TAT: variants seen among roughly 807,000 people sequenced by gnomAD.
TAT encodes the protein tyrosine aminotransferase.
A neutral mutation model predicts 53.6 loss-of-function variants in TAT; 35 were observed. The ratio of observed to expected loss-of-function variants is 0.65; its 90% confidence interval spans 0.50 to 0.87. The LOEUF is 0.87. Ranked by LOEUF, TAT falls within the 40% of genes least tolerant of loss-of-function variation. TAT has a pLI of 0.00. For missense variants in TAT, 525 were observed against 571.8 expected, an observed-to-expected ratio of 0.92 and a Z score of 0.83; for synonymous variants, 197 against 206.5, an observed-to-expected ratio of 0.95 and a Z score of 0.39.
chr16:71,569,758 T>C, intron 10 of TAT, 96 bp downstream of exon 10: 2 of 1,213,284 alleles, frequency 1.6e-6, no homozygotes, highest in East Asian at 2.5e-5. Flanking sequence ...CTGGTTGTCT[T>C]TGTACCCTGC....
At chr16:71,574,154 G>A (rs902558927) in intron 3 of TAT, among the ~76,000 whole-genome samples, 7 of 152,234 alleles carry the variant, frequency 4.6e-5, no homozygotes, top group Non-Finnish European at 5.9e-5. Context: ...GTATAAGCAC[G>A]AATGTATAAA....
At chr16:71,571,010 C>T (rs2044199746) in intron 7 of TAT, among the ~76,000 whole-genome samples, 179 bp from the exon 8 acceptor site, 2 of 152,146 alleles carry the variant, frequency 1.3e-5, no homozygotes, top group South Asian at 2.1e-4. Context: ...TACACAAAGA[C>T]ATTTAATTTG....
rs2044193411 is a variant in TAT at position 71,570,378 on chromosome 16, T to C, written c.932A>G (p.Lys311Arg). 1.2e-6 allele frequency: 2 copies of C among 1,614,098 alleles called. No homozygotes were observed. The highest frequency in any genetic ancestry group is 1.7e-6 in the Non-Finnish European group (2 of 1,180,050). Residue 311 changes from lysine to arginine, a missense_variant, in exon 9 of 12, where the codon AAG (lysine) becomes AGG (arginine). By Grantham distance (26) the Lys-to-Arg change is conservative (BLOSUM62 2). Transcript: ENST00000355962. ...FGNEIRDGLV[K>R]LSQRILGPCT... is the part of the protein sequence containing the mutation. The stretch of plus-strand genomic sequence containing the variant: ...GGGTCCCAAAATGCGCTGACTCAGC[T>C]TCACCAGCCCATCTCGGATCTAAAA...
chr16:71,572,797 T>C (rs1034136900), intron 4 of TAT, 109 bp from the exon 5 acceptor site: 134 of 1,240,046 alleles, frequency 1.1e-4, no homozygotes, highest in South Asian at 1.0e-3. Flanking sequence ...CTTTAACAAG[T>C]TGTAAGTAGT....
intron 4 of TAT, 71 bp downstream of exon 4, chr16:71,573,468 G>T: frequency 3.6e-6 from 5 of 1,406,178 alleles, no homozygotes; most frequent in South Asian, 2.5e-5. Context: ...ACTTCTTGTG[G>T]AACAGAAACA....
intron 5 of TAT, 29 bp from the exon 6 acceptor site, chr16:71,572,353 A>T (rs1325590632): frequency 6.2e-7 from 1 of 1,614,040 alleles, no homozygotes; most frequent in Admixed American, 1.7e-5. Flanking sequence ...TGAGACTAAG[A>T]TGATTCTGAA....
At position 71,570,712 on chromosome 16, in the gene TAT, G is replaced by A. The variant is rs757591094; in HGVS notation, c.879C>T (p.Leu293=). 1.2e-6 allele frequency: 2 copies of A among 1,614,050 alleles called. No individual in the cohort carries two copies. Among genetic ancestry groups the A allele is most frequent in the South Asian group, 1.1e-5 (1 of 91,092 alleles). The change falls in exon 8 of 12, where the codon CTC becomes CTT. Residue 293 remains leucine, a synonymous_variant. Transcript: ENST00000355962. ...LVPGWRLGWI[L]IHDRRDIFGN... ...CAAAAATGTCTCTTCGGTCATGAAT[G>A]AGGATCCAGCCCAACCTCCAGCCAG...
chr16:71,567,191 CTGA>C lies in TAT; in HGVS notation c.*950_*952del, dbSNP rs2044169265. On this transcript the variant is annotated 3_prime_UTR_variant, in exon 12 of 12. Transcript: ENST00000355962. ...TAGGAGACCCAGGCGGGCAGATTGCCTGAGGTCAGGAGTTTGAGACCAGCCTGG... is the reference window on the plus strand; with the variant it reads ...TAGGAGACCCAGGCGGGCAGATTGCCGGTCAGGAGTTTGAGACCAGCCTGG... The C allele has an allele frequency of 6.6e-6, 1 of 151,984 alleles. No homozygotes were observed. The highest frequency in any genetic ancestry group is 2.4e-5 in the African/African-American group (1 of 41,330). 9.4% of individuals were successfully genotyped at this position (151,984 alleles called of 1,614,324 possible).
chr16:71,568,560 A>T, intron 11 of TAT, 151 bp downstream of exon 11: 1 of 764,838 alleles, frequency 1.3e-6, no homozygotes, highest in Non-Finnish European at 2.2e-6. Context: ...AGCAAATTTT[A>T]AATAGGATCC....
In TAT at chr16:71,566,382, A is replaced by G. The variant is rs1408014920; in HGVS notation, c.*1762T>C. 6.6e-6 allele frequency: 1 copy of G among 151,494 alleles called. No homozygotes were observed. Among genetic ancestry groups the G allele is most frequent in the Admixed American group, 6.6e-5 (1 of 15,170 alleles). The allele number at this position is 151,494 out of a possible 1,614,324, so 9.4% of individuals were successfully genotyped here. The stretch of plus-strand genomic sequence containing the variant: ...TAGTTATGATAGATTCCTAACCCCC[A>G]ACCTTGAAAGGTAACTTAAGGCTCC... On this transcript the variant is annotated 3_prime_UTR_variant, in exon 12 of 12. Transcript: ENST00000355962.
At chr16:71,573,710 G>A (rs993651415) in intron 3 of TAT, 104 bp from the exon 4 acceptor site, 22 of 1,012,876 alleles carry the variant, frequency 2.2e-5, no homozygotes, top group East Asian at 7.8e-5. Context: ...AGCTCACTGC[G>A]GCCTCAAATT....
At chr16:71,573,017 A>C (rs2044213773) in intron 4 of TAT, among the ~76,000 whole-genome samples, 1 of 152,218 alleles carries the variant, frequency 6.6e-6, no homozygotes, top group African/African-American at 2.4e-5. Flanking sequence ...GCTGACATAC[A>C]GGTGACAGAC....
Position 71,576,290 on chromosome 16 carries a change from A to G in TAT, c.126T>C (p.Ser42=). The G allele has an allele frequency of 6.2e-7, 1 of 1,614,210 alleles. No homozygotes were observed. The highest frequency in any genetic ancestry group is 1.7e-5 in the Admixed American group (1 of 60,020). The part of the protein sequence containing the change: ...GKMKGRKARW[S]VRPSDMAKKT... ...TCTTGGCCATGTCTGAGGGCCTCACAGACCACCTGGCCTTTCTGCCTTTCA... is the reference window on the plus strand; with the variant it reads ...TCTTGGCCATGTCTGAGGGCCTCACGGACCACCTGGCCTTTCTGCCTTTCA... Residue 42 remains serine (S), a synonymous_variant, in exon 2 of 12, where the codon TCT becomes TCC. Transcript: ENST00000355962.
In TAT at chr16:71,570,115, C is replaced by T. The variant is rs74027256; in HGVS notation, c.1041+154G>A. On this transcript the variant is annotated intron_variant, in intron 9 of 11. Transcript: ENST00000355962. Reference sequence around the variant, plus strand: ...TTTCACCAGGGGCAGAGAGAATGGCCGGAAGTGAGAAACGTGTGTGTGGAT... The same window carrying T: ...TTTCACCAGGGGCAGAGAGAATGGCTGGAAGTGAGAAACGTGTGTGTGGAT... 1.4e-3 allele frequency among the ~76,000 whole-genome samples: 208 copies of T among 152,286 alleles called. 2 individuals carry two copies. The highest frequency in any genetic ancestry group is 4.6e-3 in the African/African-American group (190 of 41,548).
chr16:71,571,557 A>G (rs777390818), intron 7 of TAT, 49 bp downstream of exon 7: 39 of 1,536,762 alleles, frequency 2.5e-5, no homozygotes, highest in African/African-American at 9.5e-5. Context: ...TAAAGTTCCC[A>G]TAAAATAATT....
intron 10 of TAT, 44 bp from the exon 11 acceptor site, chr16:71,568,853 G>A (rs766115170): frequency 2.1e-6 from 3 of 1,450,896 alleles, no homozygotes; most frequent in African/African-American, 1.4e-5. Flanking sequence ...GAAGGAGGGA[G>A]AACAGGCCAA....
chr16:71,571,718 A>C, intron 6 of TAT, 60 bp from the exon 7 acceptor site: 1 of 1,469,832 alleles, frequency 6.8e-7, no homozygotes, highest in Non-Finnish European at 9.5e-7. Context: ...TGTAATAGTC[A>C]CATAATATCA....
At position 71,576,422 on chromosome 16, in the gene TAT, C is replaced by T. The variant is rs201879651; in HGVS notation, c.-7G>A. On this transcript the variant is annotated 5_prime_UTR_variant, in exon 2 of 12. Transcript: ENST00000355962. ...GAATCATGTATGGGTCCATCACTAG[C>T]GAAGCCTGCGAGGGGAAAGAAGTTC... The T allele has an allele frequency of 8.3e-5, 134 of 1,613,758 alleles. No individual in the cohort carries two copies. The highest frequency in any genetic ancestry group is 5.1e-4 in the East Asian group (23 of 44,888).
intron 6 of TAT, chr16:71,571,921 C>T: frequency 1.6e-6 from 1 of 623,786 alleles, no homozygotes; most frequent in South Asian, 2.0e-5. Flanking sequence ...ATTTCAGACC[C>T]TATCTTCAAC....
Sources: gnomAD v4.1 joint callset for allele counts (sites outside exome capture counted in the v4.1 genomes callset) on GRCh38, gnomAD v4.1.1 for gene constraint, MANE v1.5 for transcripts, NCBI Gene and HGNC (gene_info 2026-07-23, HGNC 2026-07-21) for gene names.